The following GTF2I variants were observed in gnomAD, a reference collection of about 807,000 sequenced individuals.
GTF2I encodes the protein general transcription factor II-I.
A neutral mutation model predicts 67.6 loss-of-function variants in GTF2I; 12 were observed. The observed-to-expected ratio is 0.18, with a 90% CI of 0.11 to 0.29. The LOEUF (loss-of-function observed/expected upper bound fraction) is 0.29, where lower values mean the gene tolerates loss of function less well. GTF2I is among the 10% of genes least tolerant of loss of function. The pLI, the probability that GTF2I is intolerant of heterozygous loss-of-function variation, is 1.00. For missense variants in GTF2I, 271 were observed against 580.1 expected (o/e 0.47, Z 5.47); for synonymous variants, 149 against 197.0 (o/e 0.76, Z 2.04).
Position 74,718,947 on chromosome 7 carries a change from T to G in GTF2I, c.943+6T>G. 1 of 1,498,006 alleles carries G rather than the reference T, an allele frequency of 6.7e-7. No homozygotes were observed. The highest frequency in any genetic ancestry group is 9.2e-7 in the Non-Finnish European group (1 of 1,090,386). 92.8% of individuals were successfully genotyped at this position (1,498,006 alleles called of 1,614,324 possible). On this transcript the variant is annotated splice_donor_region_variant and intron_variant, in intron 12 of 34. Coordinates refer to ENST00000573035, the MANE Select transcript of GTF2I (RefSeq NM_032999.4). ...AGTTGAGGTGACTATTGAAGGTTAG[T>G]TATCTAAAAGCCTTGATTCCAAAGT...
At chr7:74,667,703 G>A (rs1473055727) in intron 1 of GTF2I, among the ~76,000 whole-genome samples, 1 of 151,708 alleles carries the variant, frequency 6.6e-6, no homozygotes, top group Non-Finnish European at 1.5e-5. Flanking sequence ...TTTTTGTGGA[G>A]ATGGGGGTCT....
chr7:74,667,708 G>A (rs1180255297), intron 1 of GTF2I, among the ~76,000 whole-genome samples: 1 of 151,824 alleles, frequency 6.6e-6, no homozygotes, highest in Non-Finnish European at 1.5e-5. Flanking sequence ...GTGGAGATGG[G>A]GGTCTCACTA....
intron 14 of GTF2I, among the ~76,000 whole-genome samples, chr7:74,731,188 T>C (rs1398746864): frequency 6.7e-6 from 1 of 149,772 alleles, no homozygotes; most frequent in African/African-American, 2.4e-5. Context: ...ATTTTATTTT[T>C]ATCATATTTA....
At chr7:74,665,819 G>A (rs1554388314) in intron 1 of GTF2I, among the ~76,000 whole-genome samples, 1 of 152,092 alleles carries the variant, frequency 6.6e-6, no homozygotes, top group Non-Finnish European at 1.5e-5. Flanking sequence ...TTTCCCCTGT[G>A]ACTGTTACAT....
At chr7:74,720,468 C>G (rs1792810597) in intron 12 of GTF2I, among the ~76,000 whole-genome samples, 1 of 152,074 alleles carries the variant, frequency 6.6e-6, no homozygotes, top group South Asian at 2.1e-4. Flanking sequence ...ACTTAATATA[C>G]AGATTTCTTT....
chr7:74,660,621 C>CTTTTTTTTTTT (rs35605839), intron 1 of GTF2I, among the ~76,000 whole-genome samples: 14 of 124,540 alleles, frequency 1.1e-4, no homozygotes, highest in Non-Finnish European at 1.5e-4. Flanking sequence ...CTTTTCTTTT[C>CTTTTTTTTTTT]TTTTTTTTTT....
chr7:74,663,745 C>A (rs1210458744), intron 1 of GTF2I, among the ~76,000 whole-genome samples: 19 of 152,280 alleles, frequency 1.2e-4, no homozygotes, highest in African/African-American at 4.1e-4. Flanking sequence ...ACTCGGTTAA[C>A]TAAAGTGTAT....
In GTF2I at chr7:74,698,970, A is replaced by G; in HGVS notation, c.248A>G (p.Glu83Gly). Residue 83 changes from glutamate (E) to glycine (G), a missense_variant, in exon 4 of 35, where the codon GAA (glutamate) becomes GGA (glycine). Glu to Gly is a moderately conservative substitution (Grantham distance 98). This residue lies in a region of GTF2I where 72 missense variants were observed against 87.4 expected (regional missense o/e 0.82). Coordinates refer to ENST00000573035, the MANE Select transcript of GTF2I (RefSeq NM_032999.4). ...QKDFVKYCVE[E>G]EEKAAEMHKM... Reference sequence around the variant, plus strand: ...TTTATTTTTTTTACAGGTGTTGAAGAAGAAGAAAAAGCTGCAGAGATGCAT... The same window carrying G: ...TTTATTTTTTTTACAGGTGTTGAAGGAGAAGAAAAAGCTGCAGAGATGCAT... 7.2e-7 allele frequency: 1 copy of G among 1,380,420 alleles called. No individual in the cohort carries two copies. The highest frequency in any genetic ancestry group is 1.8e-5 in the South Asian group (1 of 56,104). The allele number at this position is 1,380,420 out of a possible 1,614,324, so 85.5% of individuals were successfully genotyped here. A position where few individuals can be genotyped will look rare whatever the true frequency, so the allele number is the denominator to read the frequency against.
chr7:74,726,886 A>AGAT (rs1793869863), intron 12 of GTF2I: 1 of 129,922 alleles, frequency 7.7e-6, no homozygotes, highest in Non-Finnish European at 1.7e-5. Context: ...GATAGATAGA[A>AGAT]TGAGACCCTG....
intron 1 of GTF2I, chr7:74,684,777 G>A (rs782750706): frequency 3.3e-5 from 5 of 152,248 alleles, no homozygotes; most frequent in African/African-American, 4.8e-5. Flanking sequence ...TTCATCACCA[G>A]GGGCGCCCCG....
intron 1 of GTF2I, among the ~76,000 whole-genome samples, chr7:74,673,931 G>A (rs953234290): frequency 3.9e-5 from 6 of 151,904 alleles, no homozygotes; most frequent in South Asian, 2.1e-4. Context: ...TGCCCACCTC[G>A]GCCTCCCAAA....
In GTF2I at chr7:74,659,716, A is replaced by T. The variant is rs587686600; in HGVS notation, c.-6+1648A>T. ...CTGGGTCACGCCTGGCTAATTTAAA[A>T]TTTTTTTTTAGAGATGGGGTCTTCT... On this transcript the variant is annotated intron_variant, in intron 1 of 34. Transcript: ENST00000573035. Among the ~76,000 whole-genome samples, 653 of 151,428 alleles carry T rather than the reference A, an allele frequency of 4.3e-3. 2 individuals carry two copies. The highest frequency in any genetic ancestry group is 7.2e-3 in the Non-Finnish European group (488 of 67,794).
intron 12 of GTF2I, chr7:74,722,744 C>T (rs1029061684): frequency 3.9e-5 from 6 of 152,156 alleles, no homozygotes; most frequent in African/African-American, 1.2e-4. Flanking sequence ...CATGACCACA[C>T]GTGGCACACT....
At chr7:74,699,181 T>C in intron 4 of GTF2I, 86 bp downstream of exon 4, 1 of 624,068 alleles carries the variant, frequency 1.6e-6, no homozygotes, top group Non-Finnish European at 2.5e-6. Flanking sequence ...GATTCGAAAA[T>C]CATATAACAC....
chr7:74,705,297 A>G, intron 7 of GTF2I, 79 bp downstream of exon 7: 1 of 867,676 alleles, frequency 1.2e-6, no homozygotes. Flanking sequence ...AGATATCAGA[A>G]TATTAAAAAG....
At chr7:74,700,209 C>A (rs200579067) in intron 4 of GTF2I, 38 bp from the exon 5 acceptor site, 2 of 1,594,640 alleles carry the variant, frequency 1.3e-6, no homozygotes, top group African/African-American at 2.7e-5. Context: ...TGTAATCTTA[C>A]CATTGAATGA....
chr7:74,681,520 T>G (rs1554394132), intron 1 of GTF2I, among the ~76,000 whole-genome samples: 3 of 152,202 alleles, frequency 2.0e-5, no homozygotes, highest in Admixed American at 6.5e-5. Context: ...GTGTGTCTGT[T>G]TAATCACAGT....
At chr7:74,660,567 G>C (rs932894746) in intron 1 of GTF2I, among the ~76,000 whole-genome samples, 1 of 150,932 alleles carries the variant, frequency 6.6e-6, no homozygotes, top group East Asian at 1.9e-4. Flanking sequence ...GCCCTTCCTC[G>C]CAGGGCACCT....
intron 6 of GTF2I, among the ~76,000 whole-genome samples, chr7:74,701,685 G>A (rs587773986): frequency 4.3e-4 from 66 of 152,064 alleles, no homozygotes; most frequent in Middle Eastern, 3.4e-3. Flanking sequence ...GGATGATCTC[G>A]AACTCCTGAC....
Sources: gnomAD v4.1 joint callset for allele counts (sites outside exome capture counted in the v4.1 genomes callset) on GRCh38, gnomAD v4.1.1 for gene constraint, gnomAD v4.1.1 regional missense constraint, MANE v1.5 for transcripts, NCBI Gene and HGNC (gene_info 2026-07-23, HGNC 2026-07-21) for gene names.